Variants in GDPD5 observed in about 807,000 individuals in gnomAD.
The protein encoded by GDPD5 is glycerophosphodiester phosphodiesterase domain containing 5.
GDPD5 carries 48 observed loss-of-function variants against 75.1 expected under a neutral mutation model. That is an observed-to-expected ratio of 0.64 (90% CI 0.51 to 0.81). GDPD5 has a LOEUF of 0.81. Among genes scored for constraint, GDPD5 ranks in the 40% least tolerant of loss-of-function variants. GDPD5 has a pLI of 0.00. For synonymous variants in GDPD5, 336 were observed against 339.0 expected (o/e 0.99, Z 0.10); for missense variants, 706 against 822.6 (o/e 0.86, Z 1.73).
chr11:75,448,617 C>A, intron 9 of GDPD5: 1 of 1,031,480 alleles, frequency 9.7e-7, no homozygotes, highest in Non-Finnish European at 1.2e-6. Flanking sequence ...CTCTGAGCTG[C>A]CTCCCAGCTC....
chr11:75,522,032 G>A (rs1188102796), intron 1 of GDPD5, among the ~76,000 whole-genome samples: 1 of 151,998 alleles, frequency 6.6e-6, no homozygotes, highest in Non-Finnish European at 1.5e-5. Flanking sequence ...TCTCCTATAT[G>A]GGCATTCACC....
At chr11:75,449,485 T>C (rs375778439) in intron 8 of GDPD5, 32 bp downstream of exon 8, 25 of 1,532,562 alleles carry the variant, frequency 1.6e-5, no homozygotes, top group African/African-American at 1.1e-4. Context: ...CTGCAGGGAT[T>C]GGAGGGGCAG....
chr11:75,510,570 A>G (rs573842241), intron 1 of GDPD5, among the ~76,000 whole-genome samples: 1 of 152,170 alleles, frequency 6.6e-6, no homozygotes, highest in East Asian at 1.9e-4. Context: ...GGTCCTCATG[A>G]CACAGTGTCA....
chr11:75,435,713 G>T, intron 16 of GDPD5, 58 bp from the exon 17 acceptor site: 2 of 1,529,294 alleles, frequency 1.3e-6, no homozygotes, highest in Non-Finnish European at 8.9e-7. Flanking sequence ...GTGAGGATGG[G>T]TGACAGATGG....
rs544631343 is a variant in GDPD5 at position 75,454,839 on chromosome 11, A to G, written c.375+1918T>C. On this transcript the variant is annotated intron_variant, in intron 6 of 16. Transcript: ENST00000336898. The stretch of plus-strand genomic sequence containing the variant: ...TTTTGTGCTTTTTGTATTTTGAATC[A>G]TGTCGATGTATTACATGGTCAAAAG... 2.0e-5 allele frequency among the ~76,000 whole-genome samples: 3 copies of G among 152,384 alleles called. No homozygotes were observed. The East Asian group carries it at 5.8e-4, about 29-fold the overall frequency.
intron 3 of GDPD5, among the ~76,000 whole-genome samples, chr11:75,477,005 G>A (rs144172271): frequency 6.6e-6 from 1 of 152,332 alleles, no homozygotes; most frequent in East Asian, 1.9e-4. Context: ...TCTCCAGACA[G>A]TAAAGCTTTT....
At chr11:75,456,656 C>A in intron 6 of GDPD5, 101 bp downstream of exon 6, 1 of 1,131,370 alleles carries the variant, frequency 8.8e-7, no homozygotes, top group Admixed American at 1.8e-5. Flanking sequence ...ACAATTCTAA[C>A]GGTGATCCAG....
chr11:75,477,779 G>A lies in GDPD5; in HGVS notation c.-44C>T, dbSNP rs1308943844. ...GGCGCCTGGCCCTCAGGCGCCCATGGAGGCCCCCAGCTTGTCCTGCAGGAG... is the reference window on the plus strand; with the variant it reads ...GGCGCCTGGCCCTCAGGCGCCCATGAAGGCCCCCAGCTTGTCCTGCAGGAG... On this transcript the variant is annotated 5_prime_UTR_variant, in exon 3 of 17. Coordinates refer to ENST00000336898, the MANE Select transcript of GDPD5 (RefSeq NM_030792.8). 3 of 1,386,846 alleles carry A rather than the reference G, an allele frequency of 2.2e-6. No homozygotes were observed. The highest frequency in any genetic ancestry group is 2.1e-5 in the Admixed American group (1 of 47,098). The allele number at this position is 1,386,846 out of a possible 1,614,324, so 85.9% of individuals were successfully genotyped here.
At chr11:75,459,709 C>T (rs1458052865) in intron 4 of GDPD5, among the ~76,000 whole-genome samples, 1 of 150,796 alleles carries the variant, frequency 6.6e-6, no homozygotes, top group Non-Finnish European at 1.5e-5. Flanking sequence ...ACTTGGGAGG[C>T]TGAGGCAGGA....
intron 2 of GDPD5, among the ~76,000 whole-genome samples, chr11:75,486,334 G>T (rs1950021090): frequency 6.6e-6 from 1 of 152,142 alleles, no homozygotes. Flanking sequence ...GGATGAAAGT[G>T]GCAGGAAGGC....
intron 2 of GDPD5, among the ~76,000 whole-genome samples, chr11:75,488,284 G>A (rs1024923486): frequency 9.9e-5 from 15 of 152,110 alleles, no homozygotes; most frequent in Admixed American, 2.0e-4. Context: ...TGAAGGCCCC[G>A]GGACTACTAT....
At chr11:75,441,593 G>A in intron 13 of GDPD5, 53 bp downstream of exon 13, 1 of 1,482,290 alleles carries the variant, frequency 6.7e-7, no homozygotes, top group South Asian at 1.3e-5. Context: ...TGGCAGGACT[G>A]GGAGAGACTC....
chr11:75,436,810 G>A (rs1948638014), intron 16 of GDPD5, 126 bp downstream of exon 16: 10 of 699,782 alleles, frequency 1.4e-5, no homozygotes, highest in African/African-American at 3.5e-5. Flanking sequence ...GTTTATGTAC[G>A]TCTGTGCCCT....
intron 12 of GDPD5, 60 bp from the exon 13 acceptor site, chr11:75,441,863 A>C (rs1948822165): frequency 2.7e-6 from 4 of 1,497,508 alleles, no homozygotes; most frequent in South Asian, 2.4e-5. Context: ...AAGAGTACCT[A>C]CTCCTCCTAG....
intron 3 of GDPD5, 39 bp downstream of exon 3, chr11:75,477,580 C>T (rs367630950): frequency 2.9e-6 from 4 of 1,368,000 alleles, no homozygotes; most frequent in African/African-American, 2.9e-5. Context: ...CTTGCTGGGG[C>T]TCACTGGGTC....
At chr11:75,500,835 G>A (rs1019231631) in intron 1 of GDPD5, among the ~76,000 whole-genome samples, 5 of 152,036 alleles carry the variant, frequency 3.3e-5, no homozygotes, top group African/African-American at 7.3e-5. Flanking sequence ...GCCATCTGAC[G>A]CCAAGCCCAG....
At position 75,444,823 on chromosome 11, in the gene GDPD5, A is replaced by T. The variant is rs116541855; in HGVS notation, c.715-328T>A. ...ATGTTATCATTGCTCTATCCCAGGC[A>T]CTGAGCTAGACACTGGGGCTGGAGG... On this transcript the variant is annotated intron_variant, in intron 9 of 16. Transcript: ENST00000336898. Among the ~76,000 whole-genome samples the T allele has an allele frequency of 3.8e-3, 573 of 152,272 alleles. 3 individuals are homozygous for T. The highest frequency in any genetic ancestry group is 0.013 in the African/African-American group (555 of 41,548).
intron 3 of GDPD5, among the ~76,000 whole-genome samples, chr11:75,476,527 C>G (rs769448944): frequency 6.6e-6 from 1 of 152,078 alleles, no homozygotes; most frequent in East Asian, 1.9e-4. Flanking sequence ...TCTCAGAGGG[C>G]TTCCCAGCAG....
At position 75,477,679 on chromosome 11, in the gene GDPD5, G is replaced by T. The variant is rs908949437; in HGVS notation, c.57C>A (p.Leu19=). ...TCCAACGGCAGCCGTAGATGCCCGTGAGGCAGGAGAGGCACAGCTGTGGCT... is the reference window on the plus strand; with the variant it reads ...TCCAACGGCAGCCGTAGATGCCCGTTAGGCAGGAGAGGCACAGCTGTGGCT... The part of the protein sequence containing the change: ...YYEPQLCLSC[L]TGIYGCRWKR... Residue 19 remains leucine, a synonymous_variant, in exon 3 of 17, where the codon CTC becomes CTA. Coordinates refer to ENST00000336898, the MANE Select transcript of GDPD5 (RefSeq NM_030792.8). 2.5e-6 allele frequency: 4 copies of T among 1,599,586 alleles called. No homozygotes were observed. The highest frequency in any genetic ancestry group is 3.4e-6 in the Non-Finnish European group (4 of 1,169,214).
Sources: gnomAD v4.1 joint callset for allele counts (sites outside exome capture counted in the v4.1 genomes callset) on GRCh38, gnomAD v4.1.1 for gene constraint, MANE v1.5 for transcripts, NCBI Gene and HGNC (gene_info 2026-07-23, HGNC 2026-07-21) for gene names.